Variants in RGN observed in about 807,000 individuals in gnomAD.
The protein encoded by RGN is regucalcin, also known as epididymis secretory protein Li 41.
Under a neutral mutation model 20.6 loss-of-function variants are expected in RGN, and 19 were observed. The ratio of observed to expected loss-of-function variants is 0.92; its 90% confidence interval spans 0.64 to 1.35. The LOEUF is 1.35. Among genes scored for constraint, RGN ranks in the 40% most tolerant of loss-of-function variants. The pLI, the probability that RGN is intolerant of heterozygous loss-of-function variation, is 0.00. For missense variants in RGN, 302 were observed against 232.7 expected (o/e 1.30, Z -1.94); for synonymous variants, 85 against 87.2 (o/e 0.97, Z 0.14).
At chrX:47,092,244 G>T (rs1556388270) in intron 7 of RGN, 29 bp downstream of exon 7, 1 of 1,139,673 alleles carries the variant, frequency 8.8e-7, no homozygotes, top group East Asian at 3.3e-5. Flanking sequence ...TTATTTTGGG[G>T]GTGGGGGATC....
At chrX:47,090,940 G>GAAGGAAGGAAGGAA (rs1556387471) in intron 5 of RGN, among the ~76,000 whole-genome samples, 3 of 25,987 alleles carry the variant, frequency 1.2e-4, no homozygotes, top group African/African-American at 2.6e-4. Flanking sequence ...AAGAAAGAAA[G>GAAGGAAGGAAGGAA]AAAGAAAGAA....
intron 3 of RGN, among the ~76,000 whole-genome samples, chrX:47,081,850 TCC>T (rs1930339741): frequency 8.9e-6 from 1 of 112,103 alleles, no homozygotes; most frequent in Non-Finnish European, 1.9e-5. Flanking sequence ...CCCAGCCCAT[TCC>T]CAGTTTTGTT....
chrX:47,090,948 GAAAGAAAGAAA>G (rs1930967619), intron 5 of RGN, among the ~76,000 whole-genome samples: 1 of 50,698 alleles, frequency 2.0e-5, no homozygotes, highest in Non-Finnish European at 4.4e-5. Flanking sequence ...AAGAAAGAAA[GAAAGAAAGAAA>G]GAAAGAAAGA....
At chrX:47,086,845 G>A (rs1265893834) in intron 4 of RGN, among the ~76,000 whole-genome samples, 3 of 107,556 alleles carry the variant, frequency 2.8e-5, no homozygotes, top group East Asian at 3.1e-4. Flanking sequence ...TTAACCAATC[G>A]GAAGTGACAT....
At chrX:47,081,442 T>G in intron 3 of RGN, 135 bp downstream of exon 3, 1 of 461,058 alleles carries the variant, frequency 2.2e-6, no homozygotes, top group Non-Finnish European at 3.6e-6. Context: ...ATCCTCCCAC[T>G]TTGACCCAGG....
rs1931077303 is a variant in RGN at position 47,092,941 on chromosome X, G to A, written c.894G>A (p.Ala298=). ...AAGGAATTGCTCCCTACTCCTATGCGGGATGAGGACAGGTCTTCTTTCCTG... is the reference window on the plus strand; with the variant it reads ...AAGGAATTGCTCCCTACTCCTATGCAGGATGAGGACAGGTCTTCTTTCCTG... ...GVKGIAPYSY[A]G The change falls in exon 8 of 8, where the codon GCG becomes GCA. Residue 298 remains alanine, a synonymous_variant. Transcript: ENST00000397180. 2 of 1,202,364 alleles carry A rather than the reference G, an allele frequency of 1.7e-6. No individual in the cohort carries two copies. Among genetic ancestry groups the A allele is most frequent in the South Asian group, 1.8e-5 (1 of 56,252 alleles).
intron 5 of RGN, 79 bp downstream of exon 5, chrX:47,090,070 C>T (rs1011841254): frequency 5.8e-5 from 39 of 678,113 alleles, no homozygotes; most frequent in Middle Eastern, 3.7e-4. Context: ...GCCTCTCCCT[C>T]GCCTCATGTG....
chrX:47,089,952 G>A lies in RGN; in HGVS notation c.523G>A (p.Val175Met), dbSNP rs1556386783. ...FYYIDSLSYSVDAFDYDLQTG... is the reference protein window; with the variant it reads ...FYYIDSLSYSMDAFDYDLQTG... ...TTACATTGACAGCCTGTCCTACTCC[G>A]TGGATGCCTTTGACTATGACCTGCA... Residue 175 changes from valine to methionine, a missense_variant, in exon 5 of 8, where the codon GTG becomes ATG. Val to Met is a conservative substitution (Grantham distance 21). Coordinates refer to ENST00000397180, the MANE Select transcript of RGN (RefSeq NM_152869.4). 3 of 1,203,919 alleles carry A rather than the reference G, an allele frequency of 2.5e-6. No individual in the cohort carries two copies. Among genetic ancestry groups the A allele is most frequent in the East Asian group, 3.0e-5 (1 of 33,581 alleles).
intron 1 of RGN, among the ~76,000 whole-genome samples, chrX:47,079,012 C>G (rs782472905): frequency 9.9e-5 from 9 of 90,928 alleles, no homozygotes; most frequent in African/African-American, 3.4e-4. Flanking sequence ...CAGGCTGGAG[C>G]GCCATGGCCC....
chrX:47,089,560 TA>T (rs1930816710), intron 4 of RGN, among the ~76,000 whole-genome samples: 1 of 81,752 alleles, frequency 1.2e-5, no homozygotes, highest in African/African-American at 4.8e-5. Flanking sequence ...TACACTTATA[TA>T]TACATATTAT....
chrX:47,092,200 T>C lies in RGN; in HGVS notation c.834T>C (p.Ala278=). 1 of 1,178,930 alleles carries C rather than the reference T, an allele frequency of 8.5e-7. No individual in the cohort carries two copies. Among genetic ancestry groups the C allele is most frequent in the Non-Finnish European group, 1.1e-6 (1 of 879,010 alleles). The change falls in exon 7 of 8, where the codon GCT becomes GCC. Residue 278 remains alanine, a synonymous_variant. Coordinates refer to ENST00000397180, the MANE Select transcript of RGN (RefSeq NM_152869.4). ...AGGGTCTTTTGAGGCAACCTGAAGC[T>C]GGTGGAATTTTCAAGGTGATATGGC... The part of the protein sequence containing the change: ...DPEGLLRQPE[A]GGIFKITGLG...
rs1930932360 is a variant in RGN, at chrX:47,090,912, G to GGA, written c.563-766_563-765insGA. Among the ~76,000 whole-genome samples the GGA allele has an allele frequency of 6.5e-5, 2 of 30,914 alleles. 1 individual carries two copies. The highest frequency in any genetic ancestry group is 2.6e-4 in the African/African-American group (2 of 7,654). The allele number at this position is 30,914 out of a possible 115,157, so 26.8% of individuals were successfully genotyped here. On this transcript the variant is annotated intron_variant, in intron 5 of 7. Transcript: ENST00000397180. ...GAAGAAGAAAGAAAGAAAGAAAGAA[G>GGA]AAGGAAAGAAAGAAAGAAAGAAAGA... is the stretch of plus-strand genomic sequence containing the variant.
chrX:47,082,051 C>G (rs1472782800), intron 3 of RGN, among the ~76,000 whole-genome samples: 1 of 111,887 alleles, frequency 8.9e-6, no homozygotes, highest in Non-Finnish European at 1.9e-5. Flanking sequence ...AAAGCATCAA[C>G]CAGGACCGTC....
Position 47,089,964 on chromosome X carries a change from G to A in RGN, c.535G>A (p.Asp179Asn), listed in dbSNP as rs199632624. The part of the protein sequence containing the change: ...DSLSYSVDAF[D>N]YDLQTGQISN... ...CCTGTCCTACTCCGTGGATGCCTTTGACTATGACCTGCAGACAGGACAGAT... is the reference window on the plus strand; with the variant it reads ...CCTGTCCTACTCCGTGGATGCCTTTAACTATGACCTGCAGACAGGACAGAT... The change falls in exon 5 of 8, where the codon GAC (aspartate) becomes AAC (asparagine). Residue 179 changes from aspartate (D) to asparagine (N), a missense_variant. Physicochemically the swap from Asp to Asn is conservative, Grantham distance 23 (BLOSUM62 1). Coordinates refer to ENST00000397180, the MANE Select transcript of RGN (RefSeq NM_152869.4). 101 of 1,198,742 alleles carry A rather than the reference G, an allele frequency of 8.4e-5. No individual in the cohort carries two copies. In the Middle Eastern group the frequency reaches 1.9e-3, roughly 22 times the overall value.
At chrX:47,092,693 C>T (rs782793144) in intron 7 of RGN, among the ~76,000 whole-genome samples, 2 of 111,926 alleles carry the variant, frequency 1.8e-5, no homozygotes, top group African/African-American at 3.2e-5. Context: ...CTAAGTTAGT[C>T]GTAAATGATT....
rs782740897 is a variant in RGN at position 47,089,820 on chromosome X, CA to C, written c.392del (p.Gln131ArgfsTer13). The C allele has an allele frequency of 3.8e-5, 46 of 1,204,039 alleles. No homozygotes were observed. Among genetic ancestry groups the C allele is most frequent in the South Asian group, 5.3e-5 (3 of 56,395 alleles). On this transcript the variant is annotated frameshift_variant, in exon 5 of 8. Coordinates refer to ENST00000397180, the MANE Select transcript of RGN (RefSeq NM_152869.4). LOFTEE classifies it high-confidence loss of function. ...AGCTCCAGCAGTTCTTGAGCGGCAC[CA>C]GGGGGCCCTGTACTCCCTCTTTCCT... is the stretch of plus-strand genomic sequence containing the variant. ...ETAPAVLERH[Q>X]GALYSLFPDH...
intron 4 of RGN, among the ~76,000 whole-genome samples, chrX:47,089,542 ATAT>A (rs1463725950): frequency 1.3e-5 from 1 of 74,428 alleles, no homozygotes; most frequent in African/African-American, 5.3e-5. Flanking sequence ...ATATATATAC[ATAT>A]TATATACACT....
chrX:47,092,924 G>T lies in RGN; in HGVS notation c.877G>T (p.Ala293Ser), dbSNP rs1339408600. The T allele has an allele frequency of 4.1e-6, 5 of 1,205,234 alleles. No homozygotes were observed. The East Asian group carries it at 1.5e-4, about 36-fold the overall frequency. The change falls in exon 8 of 8, where the codon GCT becomes TCT. Residue 293 changes from alanine (A) to serine (S), a missense_variant. Physicochemically the swap from Ala to Ser is moderately conservative, Grantham distance 99. Transcript: ENST00000397180. ...AACTGGTCTGGGGGTCAAAGGAATT[G>T]CTCCCTACTCCTATGCGGGATGAGG... ...KITGLGVKGI[A>S]PYSYAG
intron 5 of RGN, among the ~76,000 whole-genome samples, chrX:47,091,071 T>C (rs1249684121): frequency 9.0e-6 from 1 of 111,121 alleles, no homozygotes; most frequent in African/African-American, 3.3e-5. Flanking sequence ...ATCTAATGAC[T>C]GTAGTGACCT....
Sources: allele counts gnomAD v4.1 joint callset (sites outside exome capture counted in the v4.1 genomes callset), GRCh38; gene constraint gnomAD v4.1.1; transcripts MANE v1.5; gene names NCBI Gene and HGNC (gene_info 2026-07-23, HGNC 2026-07-21).